The following GDA variants were observed in gnomAD, a reference collection of about 807,000 sequenced individuals.
GDA encodes cytoplasmic PSD-95 interactor.
In GDA, 18 loss-of-function variants were observed where a neutral mutation model predicts 59.6. That is an observed-to-expected ratio of 0.30 (90% CI 0.21 to 0.45). The LOEUF (loss-of-function observed/expected upper bound fraction) is 0.45, where lower values mean the gene tolerates loss of function less well. Ranked by LOEUF, GDA falls within the 20% of genes least tolerant of loss-of-function variation. The probability of loss-of-function intolerance (pLI) is 1.00; values close to 1 mark genes in which losing one functional copy is unlikely to be tolerated. For synonymous variants in GDA, 201 were observed against 201.1 expected (o/e 1.00, Z 0.00); for missense variants, 427 against 552.3 (o/e 0.77, Z 2.27).
At chr9:72,156,171 G>T (rs1016134156) in intron 1 of GDA, among the ~76,000 whole-genome samples, 1 of 152,142 alleles carries the variant, frequency 6.6e-6, no homozygotes, top group African/African-American at 2.4e-5. Flanking sequence ...TAGTACAGTG[G>T]GGCACAAGTT....
chr9:72,259,094 G>A (rs564328748), downstream of GDA, among the ~76,000 whole-genome samples: 8 of 149,392 alleles, frequency 5.4e-5, no homozygotes, highest in African/African-American at 2.0e-4. Flanking sequence ...GTACGATCTC[G>A]GCTCACTGCA....
chr9:72,234,555 A>C (rs1273133409), intron 10 of GDA, among the ~76,000 whole-genome samples: 1 of 152,158 alleles, frequency 6.6e-6, no homozygotes, highest in Non-Finnish European at 1.5e-5. Context: ...AGGATGATCG[A>C]TGTGAAGCCC....
At chr9:72,237,528 T>G (rs1199723677) in intron 10 of GDA, among the ~76,000 whole-genome samples, 3 of 152,178 alleles carry the variant, frequency 2.0e-5, no homozygotes, top group Non-Finnish European at 2.9e-5. Flanking sequence ...TTACACATTC[T>G]TCTTAGGAGG....
rs1350759185 is a variant in GDA, at chr9:72,230,504, ATAT to A, written c.921-609_921-607del. Among the ~76,000 whole-genome samples, 656 of 94,340 alleles carry A rather than the reference ATAT, an allele frequency of 7.0e-3. 2 individuals carry two copies. The highest frequency in any genetic ancestry group is 0.03 in the South Asian group (85 of 2,826). The allele number at this position is 94,340 out of a possible 152,430, so 61.9% of individuals were successfully genotyped here. On this transcript the variant is annotated intron_variant, in intron 9 of 13. Transcript: ENST00000358399. ...AGACTCTGTCTCAAAAAAAAAAAAT[ATAT>A]ATATATATATATATGGCTGGCACAT...
intron 1 of GDA, among the ~76,000 whole-genome samples, chr9:72,192,465 C>T (rs943135719): frequency 5.5e-4 from 82 of 150,054 alleles, no homozygotes; most frequent in Admixed American, 4.7e-3. Flanking sequence ...CTCCTGACCT[C>T]GTGATTCACC....
chr9:72,208,622 T>TAA (rs1835008659), intron 3 of GDA, among the ~76,000 whole-genome samples: 1 of 152,238 alleles, frequency 6.6e-6, no homozygotes. Flanking sequence ...ATTACTCTTG[T>TAA]GTTTTACTAA....
chr9:72,229,413 G>A (rs1461372310), intron 9 of GDA, among the ~76,000 whole-genome samples: 2 of 152,026 alleles, frequency 1.3e-5, no homozygotes, highest in Non-Finnish European at 2.9e-5. Context: ...ACAGGGAAGG[G>A]AAAGAAGTCA....
intron 1 of GDA, among the ~76,000 whole-genome samples, chr9:72,171,813 G>A (rs1830011161): frequency 6.6e-6 from 1 of 152,072 alleles, no homozygotes; most frequent in Admixed American, 6.6e-5. Flanking sequence ...AAGTGAAATT[G>A]CTGATGTTAT....
chr9:72,186,176 CAATCATACTTTGT>C (rs1831840637), intron 1 of GDA, among the ~76,000 whole-genome samples: 2 of 152,242 alleles, frequency 1.3e-5, no homozygotes, highest in South Asian at 4.1e-4. Flanking sequence ...AAGAAAGCAT[CAATCATACTTTGT>C]AATTTTGCCA....
intron 1 of GDA, among the ~76,000 whole-genome samples, chr9:72,128,914 T>C (rs901781664): frequency 3.9e-5 from 6 of 152,080 alleles, no homozygotes; most frequent in African/African-American, 1.4e-4. Flanking sequence ...TCTGAAGTTA[T>C]GTCCTTGCCT....
At chr9:72,244,389 T>C (rs150272993) in intron 11 of GDA, among the ~76,000 whole-genome samples, 26 of 152,294 alleles carry the variant, frequency 1.7e-4, no homozygotes, top group Non-Finnish European at 3.7e-4. Context: ...TTCCTTGATA[T>C]CCAATAATCT....
chr9:72,192,302 C>T (rs1402805426), intron 1 of GDA, among the ~76,000 whole-genome samples: 8 of 126,580 alleles, frequency 6.3e-5, no homozygotes, highest in Non-Finnish European at 9.4e-5. Flanking sequence ...GTCGCGATCT[C>T]GGCTCACTGC....
At chr9:72,136,464 A>T (rs1387806756) in intron 1 of GDA, among the ~76,000 whole-genome samples, 2 of 152,190 alleles carry the variant, frequency 1.3e-5, no homozygotes, top group African/African-American at 4.8e-5. Context: ...TTCATATAGA[A>T]TATTTTCTAG....
intron 1 of GDA, among the ~76,000 whole-genome samples, chr9:72,183,289 G>C (rs1831473996): frequency 6.6e-6 from 1 of 152,072 alleles, no homozygotes; most frequent in Admixed American, 6.6e-5. Flanking sequence ...CCTGGGGACT[G>C]TCTCCTCGGC....
Position 72,149,540 on chromosome 9 carries a change from C to T in GDA, c.-20C>T, listed in dbSNP as rs572006889. On this transcript the variant is annotated 5_prime_UTR_variant, in exon 1 of 14. Transcript: ENST00000358399. ...GCGCCCTCCTCGACCAGCAGACCCG[C>T]GCTGCGCTCCGCCGCTGACATGTGT... 48 of 1,607,642 alleles carry T rather than the reference C, an allele frequency of 3.0e-5. No homozygotes were observed. In the South Asian group the frequency reaches 5.0e-4, roughly 17 times the overall value.
chr9:72,189,166 C>CCTT (rs1450757127), intron 1 of GDA, among the ~76,000 whole-genome samples: 5 of 54,934 alleles, frequency 9.1e-5, no homozygotes, highest in Non-Finnish European at 1.3e-4. Flanking sequence ...AGACTCTAGA[C>CCTT]TTTTTTTTTT....
chr9:72,147,483 C>T (rs4745174), upstream of GDA, among the ~76,000 whole-genome samples: 24,685 of 152,114 alleles, frequency 0.16, 2,581 homozygotes, highest in East Asian at 0.5. Context: ...GGATTACAGG[C>T]GTGAGCCATC....
At chr9:72,149,422 G>A (rs924771985), upstream of GDA, 38 of 1,029,884 alleles carry the variant, frequency 3.7e-5, no homozygotes, top group African/African-American at 4.9e-4. Flanking sequence ...ACCGGCAACC[G>A]CCCGGGTAAG....
In GDA at chr9:72,173,326, C is replaced by T. The variant is rs866653240; in HGVS notation, c.124-22174C>T. On this transcript the variant is annotated intron_variant, in intron 1 of 13. Coordinates refer to ENST00000358399, the MANE Select transcript of GDA (RefSeq NM_004293.5). Reference sequence around the variant, plus strand: ...TTCTTCTGGTGAAATACTGCTCTGACTTCCCCTTCTTTTTTTTTTTTTTTT... The same window carrying T: ...TTCTTCTGGTGAAATACTGCTCTGATTTCCCCTTCTTTTTTTTTTTTTTTT... Among the ~76,000 whole-genome samples the T allele has an allele frequency of 1.3e-4, 19 of 151,734 alleles. No homozygotes were observed. In the South Asian group the frequency reaches 3.5e-3, roughly 28 times the overall value.
Sources: gnomAD v4.1 joint callset for allele counts (sites outside exome capture counted in the v4.1 genomes callset) on GRCh38, gnomAD v4.1.1 for gene constraint, MANE v1.5 for transcripts, NCBI Gene and HGNC (gene_info 2026-07-23, HGNC 2026-07-21) for gene names.